The following DNAH12 variants were observed in gnomAD, a reference collection of about 807,000 sequenced individuals.
DNAH12 encodes the protein axonemal beta dynein heavy chain 12.
In DNAH12, 285 loss-of-function variants were observed where a neutral mutation model predicts 371.5. The ratio of observed to expected loss-of-function variants is 0.77; its 90% CI spans 0.70 to 0.85. DNAH12 has a LOEUF of 0.85. Ranked by LOEUF, DNAH12 falls within the 40% of genes least tolerant of loss-of-function variation. The probability of loss-of-function intolerance (pLI) is 0.00; values close to 1 mark genes in which losing one functional copy is unlikely to be tolerated. For synonymous variants in DNAH12, 1,200 were observed against 1,213.0 expected (o/e 0.99, Z 0.22); for missense variants, 3,611 against 3,689.4 (o/e 0.98, Z 0.55).
chr3:57,341,141 G>T (rs2062386260), intron 60 of DNAH12, among the ~76,000 whole-genome samples: 1 of 150,822 alleles, frequency 6.6e-6, no homozygotes, highest in Non-Finnish European at 1.5e-5. Context: ...CACAATAAAG[G>T]CTATATAAGA....
At chr3:57,483,557 T>C (rs1426483350) in intron 12 of DNAH12, 46 bp from the exon 13 acceptor site, 3 of 1,486,900 alleles carry the variant, frequency 2.0e-6, no homozygotes, top group East Asian at 2.5e-5. Context: ...ATTAATGTTA[T>C]ATCATATTCA....
At chr3:57,405,522 C>T (rs1249429456) in intron 41 of DNAH12, 131 bp downstream of exon 41, 1 of 1,080,672 alleles carries the variant, frequency 9.3e-7, no homozygotes, top group Admixed American at 2.9e-5. Context: ...CTTCTCAAAA[C>T]AAACACCTAT....
At chr3:57,358,933 C>T (rs1199889456) in intron 58 of DNAH12, among the ~76,000 whole-genome samples, 2 of 151,974 alleles carry the variant, frequency 1.3e-5, no homozygotes, top group African/African-American at 4.8e-5. Flanking sequence ...TACAGGCGTC[C>T]ACCACCACAC....
intron 55 of DNAH12, 41 bp from the exon 56 acceptor site, chr3:57,368,301 C>T (rs1266192594): frequency 2.0e-5 from 3 of 152,128 alleles, no homozygotes; most frequent in South Asian, 4.1e-4. Flanking sequence ...AAGACATAGA[C>T]GTTGAGATTT....
intron 29 of DNAH12, among the ~76,000 whole-genome samples, chr3:57,437,863 C>A (rs1440048974): frequency 2.0e-5 from 3 of 152,182 alleles, no homozygotes; most frequent in Non-Finnish European, 2.9e-5. Flanking sequence ...CAGGACAATT[C>A]TTACTCAGAA....
intron 8 of DNAH12, among the ~76,000 whole-genome samples, chr3:57,506,360 C>T (rs2067758842): frequency 6.6e-6 from 1 of 152,176 alleles, no homozygotes; most frequent in African/African-American, 2.4e-5. Flanking sequence ...GGAATATTTA[C>T]ACCACAGAAG....
chr3:57,339,399 AAG>A (rs1307879229), intron 60 of DNAH12, among the ~76,000 whole-genome samples: 1 of 151,856 alleles, frequency 6.6e-6, no homozygotes, highest in African/African-American at 2.4e-5. Context: ...AAAAAAAAGA[AAG>A]AAAGTTGATC....
intron 19 of DNAH12, among the ~76,000 whole-genome samples, chr3:57,461,054 C>G (rs766222515): frequency 2.6e-5 from 4 of 152,038 alleles, no homozygotes; most frequent in Non-Finnish European, 5.9e-5. Flanking sequence ...GCCTCAAATA[C>G]CATTTGTTTT....
chr3:57,538,617 T>C (rs1285695759), intron 2 of DNAH12, among the ~76,000 whole-genome samples: 20 of 152,242 alleles, frequency 1.3e-4, no homozygotes, highest in Admixed American at 1.3e-3. Flanking sequence ...TCCTCCTGCC[T>C]TACCAGTTAT....
chr3:57,376,753 TA>T lies in DNAH12; in HGVS notation c.8465+227del, dbSNP rs1233992055. On this transcript the variant is annotated intron_variant, in intron 53 of 73. Coordinates refer to ENST00000495027, the MANE Select transcript of DNAH12 (RefSeq NM_001366028.2). ...TTACCACTTGGATTTAAAAAATTGTTACCATTTGCCTTGTTTGCCTCTTTTA... is the reference window on the plus strand; with the variant it reads ...TTACCACTTGGATTTAAAAAATTGTTCCATTTGCCTTGTTTGCCTCTTTTA... 8.5e-4 allele frequency among the ~76,000 whole-genome samples: 130 copies of T among 152,326 alleles called. 1 individual carries two copies. Among genetic ancestry groups the T allele is most frequent in the African/African-American group, 3.0e-3 (125 of 41,586 alleles).
intron 2 of DNAH12, among the ~76,000 whole-genome samples, chr3:57,540,434 C>A (rs2069230504): frequency 6.6e-6 from 1 of 152,036 alleles, no homozygotes; most frequent in Non-Finnish European, 1.5e-5. Flanking sequence ...GAGAGAAATG[C>A]GTGCATGAAA....
chr3:57,324,272 AC>A (rs1248230984), intron 62 of DNAH12, among the ~76,000 whole-genome samples: 3 of 152,108 alleles, frequency 2.0e-5, no homozygotes, highest in Non-Finnish European at 4.4e-5. Context: ...AAGCCACTGT[AC>A]TTTAGGTCCC....
At chr3:57,396,290 C>CAAAAAAAAAAAAAAAAAAAAAAAAAAA (rs1159748997) in intron 43 of DNAH12, among the ~76,000 whole-genome samples, 1 of 68,710 alleles carries the variant, frequency 1.5e-5, no homozygotes, top group African/African-American at 6.4e-5. Context: ...AAAAAAAAAA[C>CAAAAAAAAAAAAAAAAAAAAAAAAAAA]AAAAAAAAAA....
chr3:57,469,257 A>G (rs780710177), intron 16 of DNAH12, among the ~76,000 whole-genome samples: 3 of 152,220 alleles, frequency 2.0e-5, no homozygotes, highest in Admixed American at 6.5e-5. Context: ...AGAAATGCAA[A>G]TCAAACCACA....
At chr3:57,448,454 G>C (rs576286846) in intron 25 of DNAH12, among the ~76,000 whole-genome samples, 106 of 151,668 alleles carry the variant, frequency 7.0e-4, no homozygotes, top group African/African-American at 2.4e-3. Context: ...GGAGTTGTTC[G>C]TTCCTCCCAG....
intron 70 of DNAH12, among the ~76,000 whole-genome samples, chr3:57,299,016 G>A (rs565879526): frequency 6.6e-6 from 1 of 152,332 alleles, no homozygotes; most frequent in Admixed American, 6.5e-5. Context: ...CTGGGAAGAA[G>A]CCAGTTTTGC....
intron 22 of DNAH12, among the ~76,000 whole-genome samples, chr3:57,455,769 A>G (rs1447127530): frequency 6.6e-6 from 1 of 152,192 alleles, no homozygotes; most frequent in Non-Finnish European, 1.5e-5. Flanking sequence ...TCAATTATGC[A>G]TAATTGAACC....
At chr3:57,413,954 A>G (rs1559631771) in intron 38 of DNAH12, 42 bp from the exon 39 acceptor site, 2 of 1,521,338 alleles carry the variant, frequency 1.3e-6, no homozygotes, top group Non-Finnish European at 1.8e-6. Context: ...CTATAATTGA[A>G]TTAGGGATTT....
In DNAH12 at chr3:57,398,603, T is replaced by C. The variant is rs2063792697; in HGVS notation, c.6949-4271A>G. Among the ~76,000 whole-genome samples the C allele has an allele frequency of 5.9e-5, 9 of 152,286 alleles. No individual in the cohort carries two copies. The South Asian group carries it at 1.9e-3, about 32-fold the overall frequency. ...AATTACCTTAAGATTAGCAGTGAAT[T>C]TCTCAGCACAAATTTTACAGACCAG... On this transcript the variant is annotated intron_variant, in intron 43 of 73. Transcript: ENST00000495027.
Sources: allele counts gnomAD v4.1 joint callset (sites outside exome capture counted in the v4.1 genomes callset), GRCh38; gene constraint gnomAD v4.1.1; transcripts MANE v1.5; gene names NCBI Gene and HGNC (gene_info 2026-07-23, HGNC 2026-07-21).